Variants in PRKCH observed in about 807,000 individuals in gnomAD.
PRKCH encodes the protein protein kinase C eta.
A neutral mutation model predicts 82.5 loss-of-function variants in PRKCH; 28 were observed. That is an observed-to-expected ratio of 0.34 (90% confidence interval 0.25 to 0.47). The LOEUF (loss-of-function observed/expected upper bound fraction) is 0.47, where lower values mean the gene tolerates loss of function less well. Ranked by LOEUF, PRKCH falls within the 20% of genes least tolerant of loss-of-function variation. PRKCH has a pLI of 1.00. For missense variants in PRKCH, 705 were observed against 881.8 expected, an observed-to-expected ratio of 0.80 and a Z score of 2.54; for synonymous variants, 322 against 327.4, an observed-to-expected ratio of 0.98 and a Z score of 0.18.
In PRKCH at chr14:61,367,716, C is replaced by CT. The variant is rs34427789; in HGVS notation, c.364-23490dup. Reference sequence around the variant, plus strand: ...CCCAGGCTCTTAATCTGGAGAACTCCTTTTTTTTTTTTTTTTTTTAAACAG... The same window carrying CT: ...CCCAGGCTCTTAATCTGGAGAACTCCTTTTTTTTTTTTTTTTTTTTAAACAG... On this transcript the variant is annotated intron_variant, in intron 1 of 13. Coordinates refer to ENST00000332981, the MANE Select transcript of PRKCH (RefSeq NM_006255.5). 3.4e-3 allele frequency among the ~76,000 whole-genome samples: 470 copies of CT among 137,360 alleles called. 1 individual carries two copies. Among genetic ancestry groups the CT allele is most frequent in the East Asian group, 0.034 (161 of 4,722 alleles). The allele number at this position is 137,360 out of a possible 152,430, so 90.1% of individuals were successfully genotyped here. A position where few individuals can be genotyped will look rare whatever the true frequency, so the allele number is the denominator to read the frequency against.
chr14:61,507,286 A>G (rs1262963699), intron 10 of PRKCH, among the ~76,000 whole-genome samples: 2 of 152,148 alleles, frequency 1.3e-5, no homozygotes, highest in African/African-American at 4.8e-5. Context: ...CCTGAGGACA[A>G]GTGTTGGCAA....
At chr14:61,298,197 C>T (rs956663090) in intron 1 of PRKCH, 4 of 152,506 alleles carry the variant, frequency 2.6e-5, no homozygotes, top group African/African-American at 7.2e-5. Context: ...TGAGCAGTCT[C>T]ACCTGTGCCC....
In PRKCH at chr14:61,550,667, GCA is replaced by G. The variant is rs2043313602; in HGVS notation, c.*839_*840del. 1 of 152,632 alleles carries G rather than the reference GCA, an allele frequency of 6.6e-6. No individual in the cohort carries two copies. Among genetic ancestry groups the G allele is most frequent in the African/African-American group, 2.4e-5 (1 of 41,460 alleles). The allele number at this position is 152,632 out of a possible 1,614,324, so 9.5% of individuals were successfully genotyped here. ...CACAAGAAGGGTCACTGCCACAACA[GCA>G]CAGTCAGCGGGTGAATTACAGGTGC... On this transcript the variant is annotated 3_prime_UTR_variant, in exon 14 of 14. Transcript: ENST00000332981.
At chr14:61,226,302 A>C (rs543604048) in intron 1 of PRKCH, among the ~76,000 whole-genome samples, 6 of 152,312 alleles carry the variant, frequency 3.9e-5, no homozygotes, top group African/African-American at 1.4e-4. Context: ...AAAATCTTTT[A>C]AATACATTTA....
intron 9 of PRKCH, among the ~76,000 whole-genome samples, chr14:61,461,463 G>A (rs572799713): frequency 1.3e-5 from 2 of 152,292 alleles, no homozygotes; most frequent in Non-Finnish European, 2.9e-5. Context: ...AGAGCCAGGT[G>A]ACCTCTCAGA....
At chr14:61,435,437 G>A (rs1883630065) in intron 2 of PRKCH, among the ~76,000 whole-genome samples, 1 of 152,234 alleles carries the variant, frequency 6.6e-6, no homozygotes, top group Non-Finnish European at 1.5e-5. Flanking sequence ...GAAAGAGAGG[G>A]TGGAGGAGGC....
intron 2 of PRKCH, among the ~76,000 whole-genome samples, chr14:61,402,805 A>G (rs1224319864): frequency 1.3e-5 from 2 of 149,204 alleles, no homozygotes; most frequent in East Asian, 3.9e-4. Flanking sequence ...CTCAAAAAAA[A>G]AGAAAAAAAG....
intron 1 of PRKCH, among the ~76,000 whole-genome samples, chr14:61,352,260 C>T (rs566844864): frequency 2.4e-4 from 36 of 152,298 alleles, no homozygotes; most frequent in African/African-American, 7.5e-4. Flanking sequence ...GCTTTTTGAA[C>T]TATTTCCCTT....
intron 10 of PRKCH, among the ~76,000 whole-genome samples, chr14:61,528,293 A>G (rs892861786): frequency 6.6e-6 from 1 of 151,958 alleles, no homozygotes; most frequent in Non-Finnish European, 1.5e-5. Context: ...TCCTGGGCTC[A>G]AGTAATCCTC....
chr14:61,204,763 GAAA>G (rs67978354), intron 1 of PRKCH, among the ~76,000 whole-genome samples: 2 of 106,220 alleles, frequency 1.9e-5, no homozygotes, highest in East Asian at 5.1e-4. Flanking sequence ...CCTTTCTCAA[GAAA>G]AAAAAAAAAA....
chr14:61,238,095 C>T (rs146581758), intron 1 of PRKCH, among the ~76,000 whole-genome samples: 2 of 152,300 alleles, frequency 1.3e-5, no homozygotes, highest in East Asian at 3.9e-4. Context: ...TATGGAGAAA[C>T]CTTTAGGCCA....
rs1291711995 is a variant in PRKCH, at chr14:61,529,136, G to A, written c.1495G>A (p.Gly499Arg). 6.2e-7 allele frequency: 1 copy of A among 1,614,004 alleles called. No individual in the cohort carries two copies. The highest frequency in any genetic ancestry group is 8.5e-7 in the Non-Finnish European group (1 of 1,179,958). Residue 499 changes from glycine (G) to arginine (R), a missense_variant, in exon 11 of 14, where the codon GGA becomes AGA. Gly to Arg is a moderately radical substitution (Grantham distance 125). Around this residue, in one of 5 missense-constraint regions of PRKCH, gnomAD observed 115 missense variants for 193.8 expected, o/e 0.59. Transcript: ENST00000332981. ...GGGTCACTGTAAACTGGCAGACTTC[G>A]GAATGTGCAAGGAGGGGATTTGCAA... ...HEGHCKLADF[G>R]MCKEGICNGV...
intron 1 of PRKCH, among the ~76,000 whole-genome samples, chr14:61,311,639 CT>C (rs1338359573): frequency 6.6e-6 from 1 of 152,200 alleles, no homozygotes; most frequent in Non-Finnish European, 1.5e-5. Context: ...CTGTATTAGT[CT>C]GTTTTCACAC....
chr14:61,494,988 C>T (rs1019249245), intron 10 of PRKCH, among the ~76,000 whole-genome samples: 2 of 152,234 alleles, frequency 1.3e-5, no homozygotes, highest in Non-Finnish European at 2.9e-5. Context: ...GTTGTACAAC[C>T]TGAAGACTAT....
At chr14:61,227,071 G>A (rs149654120) in intron 1 of PRKCH, among the ~76,000 whole-genome samples, 95 of 152,278 alleles carry the variant, frequency 6.2e-4, no homozygotes, top group African/African-American at 1.8e-3. Context: ...TGCAAGGCCC[G>A]GAGAGAATAA....
At chr14:61,345,203 A>G (rs1594932105) in intron 1 of PRKCH, among the ~76,000 whole-genome samples, 1 of 152,206 alleles carries the variant, frequency 6.6e-6, no homozygotes, top group East Asian at 1.9e-4. Context: ...ACAGTGTCTT[A>G]CCAGGATCTT....
At chr14:61,190,835 G>C (rs1230564369) in intron 1 of PRKCH, among the ~76,000 whole-genome samples, 1 of 152,046 alleles carries the variant, frequency 6.6e-6, no homozygotes, top group African/African-American at 2.4e-5. Context: ...CTGATCTAAA[G>C]TAGCACCCAC....
chr14:61,225,045 A>G (rs1398200529), intron 1 of PRKCH, among the ~76,000 whole-genome samples: 1 of 152,144 alleles, frequency 6.6e-6, no homozygotes, highest in Admixed American at 6.5e-5. Context: ...TCTCCTACCT[A>G]AGCCCTCTGT....
At chr14:61,266,511 A>G (rs2045102718) in intron 1 of PRKCH, among the ~76,000 whole-genome samples, 1 of 152,216 alleles carries the variant, frequency 6.6e-6, no homozygotes, top group Admixed American at 6.5e-5. Context: ...TAATAAGACC[A>G]TTTTTAAAAG....
Sources: gnomAD v4.1 joint callset for allele counts (sites outside exome capture counted in the v4.1 genomes callset) on GRCh38, gnomAD v4.1.1 for gene constraint, gnomAD v4.1.1 regional missense constraint, MANE v1.5 for transcripts, NCBI Gene and HGNC (gene_info 2026-07-23, HGNC 2026-07-21) for gene names.